Variants in PDE1C observed in about 807,000 individuals in gnomAD.
The protein encoded by PDE1C is phosphodiesterase 1C, also known as dual specificity calcium/calmodulin-dependent 3',5'-cyclic nucleotide phosphodiesterase 1C.
A neutral mutation model predicts 93.1 loss-of-function variants in PDE1C; 62 were observed. The observed-to-expected ratio is 0.67, with a 90% CI of 0.54 to 0.82. PDE1C has a LOEUF of 0.82. Ranked by LOEUF, PDE1C falls within the 40% of genes least tolerant of loss-of-function variation. The pLI, the probability that PDE1C is intolerant of heterozygous loss-of-function variation, is 0.00. For synonymous variants in PDE1C, 325 were observed against 310.1 expected (o/e 1.05, Z -0.50); for missense variants, 742 against 884.6 (o/e 0.84, Z 2.04).
intron 2 of PDE1C, among the ~76,000 whole-genome samples, chr7:31,966,419 T>C (rs995524449): frequency 2.6e-5 from 4 of 152,180 alleles, no homozygotes; most frequent in African/African-American, 9.7e-5. Context: ...CTATCCTAAA[T>C]ATATATGCAC....
At chr7:32,181,306 C>A (rs1803398932) in intron 2 of PDE1C, among the ~76,000 whole-genome samples, 1 of 152,198 alleles carries the variant, frequency 6.6e-6, no homozygotes, top group Admixed American at 6.5e-5. Context: ...ACCTAATAGA[C>A]ATCTACAGAA....
intron 3 of PDE1C, among the ~76,000 whole-genome samples, chr7:32,141,493 A>C (rs1392809212): frequency 6.6e-6 from 1 of 152,232 alleles, no homozygotes; most frequent in Non-Finnish European, 1.5e-5. Flanking sequence ...TGATGAGGAG[A>C]GAACTTCACT....
At chr7:31,703,634 T>C in the PDE1C span, among the ~76,000 whole-genome samples, 2 of 152,230 alleles carry the variant, frequency 1.3e-5, no homozygotes, top group African/African-American at 2.4e-5. Flanking sequence ...GTAATCAAAA[T>C]GGTAGTTAAG....
chr7:32,355,692 T>C lies in PDE1C; in HGVS notation c.310+72130A>G, dbSNP rs78742584. Among the ~76,000 whole-genome samples, 1,401 of 152,366 alleles carry C rather than the reference T, an allele frequency of 9.2e-3. 19 individuals are homozygous for C. The highest frequency in any genetic ancestry group is 0.031 in the African/African-American group (1,291 of 41,586). ...TTTAATGTGCCATATCATAGTTATTTGTTTATTCACCTGCCAAGCTCCCCA... is the reference window on the plus strand; with the variant it reads ...TTTAATGTGCCATATCATAGTTATTCGTTTATTCACCTGCCAAGCTCCCCA... On this transcript the variant is annotated intron_variant, in intron 1 of 1. Coordinates refer to the PDE1C transcript ENST00000672256.
intron 3 of PDE1C, among the ~76,000 whole-genome samples, chr7:32,116,496 CT>C (rs1018795206): frequency 4.6e-5 from 7 of 152,068 alleles, no homozygotes; most frequent in Admixed American, 6.5e-5. Context: ...AAGTAAACAC[CT>C]TAATGACCTC....
At chr7:31,930,761 A>G (rs1179436276) in intron 2 of PDE1C, among the ~76,000 whole-genome samples, 3 of 148,812 alleles carry the variant, frequency 2.0e-5, no homozygotes. Context: ...AGGCAGGAGA[A>G]TCACTTGAAC....
At chr7:32,256,250 G>A (rs987548175) in intron 1 of PDE1C, among the ~76,000 whole-genome samples, 1 of 152,210 alleles carries the variant, frequency 6.6e-6, no homozygotes, top group Non-Finnish European at 1.5e-5. Flanking sequence ...TCTGAAGTGC[G>A]TAGATGACAT....
At chr7:32,264,092 C>A (rs1008194122) in intron 1 of PDE1C, among the ~76,000 whole-genome samples, 4 of 152,154 alleles carry the variant, frequency 2.6e-5, no homozygotes, top group African/African-American at 9.7e-5. Context: ...CTGATCTGAT[C>A]TTTACCACGA....
chr7:32,335,712 T>TTTTG lies in PDE1C; in HGVS notation c.310+92106_310+92109dup, dbSNP rs143519925. ...ACCTTAATTACCTCTGTTTTTGTTT[T>TTTTG]TTTGTTTGTTTGTTTGTTTGTTTTT... On this transcript the variant is annotated intron_variant, in intron 1 of 1. Coordinates refer to the PDE1C transcript ENST00000672256. 3.3e-4 allele frequency among the ~76,000 whole-genome samples: 50 copies of TTTTG among 151,300 alleles called. 1 individual carries two copies. Among genetic ancestry groups the TTTTG allele is most frequent in the East Asian group, 3.0e-3 (15 of 5,060 alleles).
intron 1 of PDE1C, among the ~76,000 whole-genome samples, chr7:32,341,195 A>AAAT (rs1562682256): frequency 0.038 from 260 of 6,872 alleles, 3 homozygotes; most frequent in African/African-American, 0.047. Context: ...TTTTTTTTTG[A>AAAT]GACGGAGTCT....
intron 1 of PDE1C, among the ~76,000 whole-genome samples, chr7:32,350,380 C>A (rs1272647633): frequency 2.6e-5 from 4 of 151,556 alleles, no homozygotes; most frequent in Admixed American, 2.6e-4. Flanking sequence ...TTAACACAAC[C>A]ACAATACTAT....
the PDE1C span, among the ~76,000 whole-genome samples, chr7:31,716,471 C>A: frequency 2.0e-5 from 3 of 152,264 alleles, no homozygotes; most frequent in South Asian, 4.1e-4. Flanking sequence ...ACTATAGTAT[C>A]TAATACTGAC....
At chr7:32,015,092 G>A (rs539728437) in intron 2 of PDE1C, among the ~76,000 whole-genome samples, 2 of 151,724 alleles carry the variant, frequency 1.3e-5, no homozygotes, top group Non-Finnish European at 2.9e-5. Flanking sequence ...CTGCCTTCCT[G>A]CCTTGCCCTC....
chr7:32,088,062 G>A (rs1422695699), intron 3 of PDE1C, among the ~76,000 whole-genome samples: 1 of 151,614 alleles, frequency 6.6e-6, no homozygotes, highest in Admixed American at 6.6e-5. Flanking sequence ...CAAAATATTG[G>A]CAGGAAAACT....
chr7:32,348,948 C>A (rs1312955868), intron 1 of PDE1C, among the ~76,000 whole-genome samples: 1 of 152,182 alleles, frequency 6.6e-6, no homozygotes, highest in African/African-American at 2.4e-5. Flanking sequence ...TATTCTAAAT[C>A]CTCTTCTCTC....
At chr7:32,120,685 C>A (rs554388944) in intron 3 of PDE1C, among the ~76,000 whole-genome samples, 1 of 152,194 alleles carries the variant, frequency 6.6e-6, no homozygotes, top group South Asian at 2.1e-4. Flanking sequence ...CAGAAAGCAA[C>A]AACAACAAAA....
At chr7:31,983,841 C>T (rs1264953810) in intron 2 of PDE1C, among the ~76,000 whole-genome samples, 2 of 152,102 alleles carry the variant, frequency 1.3e-5, no homozygotes, top group African/African-American at 4.8e-5. Flanking sequence ...TTCAAGACGG[C>T]AACATGAGAG....
the PDE1C span, chr7:31,656,580 G>A: frequency 1.6e-6 from 1 of 628,144 alleles, no homozygotes; most frequent in Non-Finnish European, 2.0e-6. Context: ...ACCGCTTGAT[G>A]AATGAATGAG....
intron 2 of PDE1C, among the ~76,000 whole-genome samples, chr7:31,938,374 A>G (rs1805370176): frequency 7.2e-6 from 1 of 139,192 alleles, no homozygotes; most frequent in Non-Finnish European, 1.5e-5. Flanking sequence ...TGCAGCTTTT[A>G]TCTTGTAAAG....
Sources: allele counts gnomAD v4.1 joint callset (sites outside exome capture counted in the v4.1 genomes callset), GRCh38; gene constraint gnomAD v4.1.1; transcripts MANE v1.5; gene names NCBI Gene and HGNC (gene_info 2026-07-23, HGNC 2026-07-21).